Variants in PLSCR5 observed in about 807,000 individuals in gnomAD.
PLSCR5 encodes the protein phospholipid scramblase family member 5, also known as phospholipid scramblase family, member 5.
Under a neutral mutation model 33.6 loss-of-function variants are expected in PLSCR5, and 44 were observed. That is an observed-to-expected ratio of 1.31 (90% CI 1.03 to 1.69). The LOEUF (loss-of-function observed/expected upper bound fraction) is 1.69. Among genes scored for constraint, PLSCR5 ranks in the 40% most tolerant of loss-of-function variants. The pLI is 0.00. For synonymous variants in PLSCR5, 148 were observed against 112.3 expected (o/e 1.32, Z -2.01); for missense variants, 375 against 318.7 (o/e 1.18, Z -1.34).
intron 1 of PLSCR5, among the ~76,000 whole-genome samples, chr3:146,603,263 TATAA>T (rs2044834695): frequency 6.6e-6 from 1 of 152,164 alleles, no homozygotes; most frequent in African/African-American, 2.4e-5. Flanking sequence ...AACATGATGT[TATAA>T]ATAATGTGTT....
chr3:146,593,778 A>ATCT, intron 4 of PLSCR5, 142 bp downstream of exon 4: 1 of 766,892 alleles, frequency 1.3e-6, no homozygotes, highest in Non-Finnish European at 2.1e-6. Flanking sequence ...CCTCAAGCTG[A>ATCT]TCTGATCCTA....
rs1219348730 is a variant in PLSCR5, at chr3:146,595,030, A to C, written c.232+11T>G. On this transcript the variant is annotated intron_variant, in intron 3 of 7. Coordinates refer to ENST00000443512, the MANE Select transcript of PLSCR5 (RefSeq NM_001085420.2). Reference sequence around the variant, plus strand: ...GTTTTAATAAATATGTAATATATATAATGCACTTACTTCCAAGCAGCTCCA... The same window carrying C: ...GTTTTAATAAATATGTAATATATATCATGCACTTACTTCCAAGCAGCTCCA... The C allele has an allele frequency of 2.1e-6, 3 of 1,404,858 alleles. No individual in the cohort carries two copies. In the Admixed American group the frequency reaches 7.4e-5, roughly 35 times the overall value. The allele number at this position is 1,404,858 out of a possible 1,614,324, so 87.0% of individuals were successfully genotyped here. A position where few individuals can be genotyped will look rare whatever the true frequency, so the allele number is the denominator to read the frequency against.
At chr3:146,581,720 T>C (rs1408576193), downstream of PLSCR5, among the ~76,000 whole-genome samples, 2 of 152,250 alleles carry the variant, frequency 1.3e-5, no homozygotes, top group Non-Finnish European at 2.9e-5. Flanking sequence ...ATAATGCCTA[T>C]GTTAATTAGC....
Position 146,600,336 on chromosome 3 carries a change from A to T in PLSCR5, c.141T>A (p.Ser47Arg). 6.2e-7 allele frequency: 1 copy of T among 1,606,000 alleles called. No homozygotes were observed. Among genetic ancestry groups the T allele is most frequent in the South Asian group, 1.1e-5 (1 of 89,646 alleles). The stretch of plus-strand genomic sequence containing the variant: ...GAGGGAGACTGACTGTTGGCAGGAA[A>T]CTGCTTGGCAGAGGGAGACTCAGCT... The part of the protein sequence containing the change: ...AWQLSLPLPS[S>R]FLPTVSLPPG... Residue 47 changes from serine to arginine, a missense_variant, in exon 2 of 8, where the codon AGT (serine) becomes AGA (arginine). Physicochemically the swap from Ser to Arg is moderately radical, Grantham distance 110. Coordinates refer to ENST00000443512, the MANE Select transcript of PLSCR5 (RefSeq NM_001085420.2).
chr3:146,581,048 A>G (rs1337170177), downstream of PLSCR5, among the ~76,000 whole-genome samples: 4 of 152,220 alleles, frequency 2.6e-5, no homozygotes, highest in African/African-American at 9.6e-5. Context: ...CTGAAAGACA[A>G]TTGGAAACAT....
At chr3:146,589,580 G>T (rs1201932765) in intron 6 of PLSCR5, 73 bp downstream of exon 6, 2 of 1,300,220 alleles carry the variant, frequency 1.5e-6, no homozygotes, top group Admixed American at 2.4e-5. Flanking sequence ...GTGTAAATGG[G>T]ATAGGCTATA....
In PLSCR5 at chr3:146,589,778, T is replaced by C; in HGVS notation, c.652A>G (p.Ile218Val). Residue 218 changes from isoleucine (I) to valine (V), a missense_variant, in exon 6 of 8, where the codon ATT becomes GTT. Physicochemically the swap from Ile to Val is conservative, Grantham distance 29. Coordinates refer to ENST00000443512, the MANE Select transcript of PLSCR5 (RefSeq NM_001085420.2). Reference protein sequence around the residue: ...TINEKLTIGKISKYWSGFVND... With the variant: ...TINEKLTIGKVSKYWSGFVND... ...ACAAATCCTGACCAGTACTTTGAAA[T>C]CTTCCCAATTGTAAGCTTTTCATTA... is the stretch of plus-strand genomic sequence containing the variant. 6.4e-7 allele frequency: 1 copy of C among 1,574,012 alleles called. No homozygotes were observed. Among genetic ancestry groups the C allele is most frequent in the East Asian group, 2.3e-5 (1 of 44,172 alleles).
chr3:146,577,691 C>T (rs1189316861), intron 7 of PLSCR5, among the ~76,000 whole-genome samples: 6 of 152,024 alleles, frequency 3.9e-5, no homozygotes, highest in African/African-American at 1.4e-4. Context: ...AATACATTAA[C>T]AAATATAGTG....
In PLSCR5 at chr3:146,596,185, G is replaced by A. The variant is rs150343882; in HGVS notation, c.190-1102C>T. On this transcript the variant is annotated intron_variant, in intron 2 of 7. Coordinates refer to ENST00000443512, the MANE Select transcript of PLSCR5 (RefSeq NM_001085420.2). Reference sequence around the variant, plus strand: ...TGTTCTTATAAAGAAATTTATTTGCGTTTATTTTATTTTTATTTTTTGAGA... The same window carrying A: ...TGTTCTTATAAAGAAATTTATTTGCATTTATTTTATTTTTATTTTTTGAGA... 1.7e-4 allele frequency among the ~76,000 whole-genome samples: 26 copies of A among 152,156 alleles called. No individual in the cohort carries two copies. The East Asian group carries it at 3.5e-3, about 20-fold the overall frequency.
chr3:146,588,557 GCA>G (rs1560106316), intron 6 of PLSCR5, among the ~76,000 whole-genome samples: 1 of 148,272 alleles, frequency 6.7e-6, no homozygotes, highest in African/African-American at 2.5e-5. Context: ...ACATGTTCAT[GCA>G]CACACATATA....
At chr3:146,580,188 C>T (rs1430921239) in intron 7 of PLSCR5, among the ~76,000 whole-genome samples, 3 of 152,062 alleles carry the variant, frequency 2.0e-5, no homozygotes, top group Non-Finnish European at 4.4e-5. Context: ...ATGGCCATAC[C>T]TTCAGTTTCT....
At chr3:146,600,487 T>C (rs1302894643) in intron 1 of PLSCR5, 24 bp from the exon 2 acceptor site, 32 of 1,541,940 alleles carry the variant, frequency 2.1e-5, no homozygotes, top group Non-Finnish European at 2.7e-5. Flanking sequence ...GAAATCCCAA[T>C]CCATATTTAA....
At chr3:146,589,273 T>C (rs182286183) in intron 6 of PLSCR5, among the ~76,000 whole-genome samples, 40 of 152,312 alleles carry the variant, frequency 2.6e-4, no homozygotes, top group Middle Eastern at 6.8e-3. Context: ...TATTATGCAA[T>C]GAACCAGTCT....
intron 2 of PLSCR5, among the ~76,000 whole-genome samples, chr3:146,597,744 G>A (rs2044773804): frequency 6.6e-6 from 1 of 152,198 alleles, no homozygotes; most frequent in Non-Finnish European, 1.5e-5. Flanking sequence ...AGGTGTCATG[G>A]CAAGTAAAAC....
chr3:146,590,884 T>C (rs1437776109), intron 5 of PLSCR5, among the ~76,000 whole-genome samples: 1 of 152,078 alleles, frequency 6.6e-6, no homozygotes, highest in African/African-American at 2.4e-5. Flanking sequence ...TCTACCTAAG[T>C]TGTATGTCCA....
chr3:146,589,131 T>A (rs897935900), intron 6 of PLSCR5, among the ~76,000 whole-genome samples: 7 of 152,306 alleles, frequency 4.6e-5, no homozygotes, highest in Admixed American at 4.6e-4. Context: ...AATATAATTG[T>A]AAGTTGGAAA....
chr3:146,599,756 T>C (rs1262136810), intron 2 of PLSCR5, among the ~76,000 whole-genome samples: 1 of 151,654 alleles, frequency 6.6e-6, no homozygotes, highest in Non-Finnish European at 1.5e-5. Flanking sequence ...CAGCTCATTG[T>C]AGCCTTGACC....
At chr3:146,596,112 T>TA in intron 2 of PLSCR5, among the ~76,000 whole-genome samples, 1 of 152,356 alleles carries the variant, frequency 6.6e-6, no homozygotes, top group East Asian at 1.9e-4. Context: ...ATGATTAAAT[T>TA]AAAAAATCTG....
intron 1 of PLSCR5, 33 bp downstream of exon 1, chr3:146,605,167 A>G: frequency 3.8e-6 from 6 of 1,591,738 alleles, no homozygotes; most frequent in Non-Finnish European, 5.2e-6. Context: ...TTAATATAAG[A>G]AAAAGTTATT....
Sources: allele counts gnomAD v4.1 joint callset (sites outside exome capture counted in the v4.1 genomes callset), GRCh38; gene constraint gnomAD v4.1.1; transcripts MANE v1.5; gene names NCBI Gene and HGNC (gene_info 2026-07-23, HGNC 2026-07-21).